TMED5: variants seen among roughly 807,000 people sequenced by gnomAD.
TMED5 encodes the protein transmembrane emp24 domain-containing protein 5.
A neutral mutation model predicts 23.0 loss-of-function variants in TMED5; 27 were observed. The observed-to-expected ratio is 1.17, with a 90% CI of 0.86 to 1.62. The LOEUF (loss-of-function observed/expected upper bound fraction) is 1.62. Ranked by LOEUF, TMED5 falls within the 40% of genes most tolerant of loss-of-function variation. The pLI, the probability that TMED5 is intolerant of heterozygous loss-of-function variation, is 0.00. For synonymous variants in TMED5, 97 were observed against 100.8 expected (o/e 0.96, Z 0.23); for missense variants, 248 against 273.7 (o/e 0.91, Z 0.66).
At chr1:93,165,140 G>A (rs985384348) in intron 1 of TMED5, among the ~76,000 whole-genome samples, 7 of 152,204 alleles carry the variant, frequency 4.6e-5, no homozygotes, top group Non-Finnish European at 4.4e-5. Flanking sequence ...AGCCTAAGAT[G>A]ACTGCAGCCC....
rs763388559 is a variant in TMED5 at position 93,180,151 on chromosome 1, G to A, written c.92C>T (p.Ser31Phe). 16 of 1,613,666 alleles carry A rather than the reference G, an allele frequency of 9.9e-6. No individual in the cohort carries two copies. Among genetic ancestry groups the A allele is most frequent in the South Asian group, 6.6e-5 (6 of 91,076 alleles). ...LLPGAAGFTP[S>F]LDSDFTFTLP... ...GGTAAAGGTGAAGTCGCTATCGAGG[G>A]AAGGTGTGAAGCCGGCCGCCCCAGG... The change falls in exon 1 of 4, where the codon TCC (serine) becomes TTC (phenylalanine). Residue 31 changes from serine to phenylalanine, a missense_variant. By Grantham distance (155) the Ser-to-Phe change is radical (BLOSUM62 -2). Transcript: ENST00000370282.
rs529442073 is a variant in TMED5, at chr1:93,174,268, C to CT, written c.189+5785dup. Among the ~76,000 whole-genome samples, 244 of 152,208 alleles carry CT rather than the reference C, an allele frequency of 1.6e-3. 1 individual carries two copies. The Middle Eastern group carries it at 0.017, about 11-fold the overall frequency. ...TACAGGTGTGAGCCACCGCACCCAG[C>CT]TTTTTTTGCTTTTACATCTTTGTAT... On this transcript the variant is annotated intron_variant, in intron 1 of 3. Transcript: ENST00000370282.
intron 1 of TMED5, among the ~76,000 whole-genome samples, chr1:93,169,880 T>C (rs1648644076): frequency 2.1e-5 from 1 of 48,528 alleles, no homozygotes; most frequent in South Asian, 1.4e-3. Context: ...AGACCCTGTC[T>C]GTACACACAC....
At chr1:93,173,417 C>CAAAGAGAGAAATTT (rs1648796727) in intron 1 of TMED5, among the ~76,000 whole-genome samples, 1 of 152,014 alleles carries the variant, frequency 6.6e-6, no homozygotes, top group South Asian at 2.1e-4. Context: ...GAGAGTGAGA[C>CAAAGAGAGAAATTT]AAAGAGAGAA....
intron 3 of TMED5, 39 bp from the exon 4 acceptor site, chr1:93,154,927 T>C: frequency 7.1e-7 from 1 of 1,408,574 alleles, no homozygotes. Context: ...TAAAGAATGC[T>C]CAGAAATTTT....
chr1:93,177,458 A>T (rs1485532511), intron 1 of TMED5, among the ~76,000 whole-genome samples: 1 of 151,812 alleles, frequency 6.6e-6, no homozygotes, highest in Non-Finnish European at 1.5e-5. Flanking sequence ...CATGCCTGTA[A>T]TCCAGCTACT....
At chr1:93,159,442 A>G (rs1402970621) in intron 2 of TMED5, among the ~76,000 whole-genome samples, 1 of 152,200 alleles carries the variant, frequency 6.6e-6, no homozygotes, top group African/African-American at 2.4e-5. Context: ...CACAGTTTAA[A>G]CATATAACAA....
chr1:93,157,655 T>G (rs1648121664), intron 2 of TMED5, among the ~76,000 whole-genome samples: 1 of 152,070 alleles, frequency 6.6e-6, no homozygotes, highest in Non-Finnish European at 1.5e-5. Flanking sequence ...TAAGCTATGG[T>G]CACACCATTG....
At chr1:93,179,007 C>G (rs1649088051) in intron 1 of TMED5, among the ~76,000 whole-genome samples, 1 of 152,092 alleles carries the variant, frequency 6.6e-6, no homozygotes, top group Admixed American at 6.5e-5. Flanking sequence ...AAGAAATTAC[C>G]CCCTACCACC....
In TMED5 at chr1:93,154,775, G is replaced by A; in HGVS notation, c.585C>T (p.Val195=). The A allele has an allele frequency of 2.5e-6, 4 of 1,613,900 alleles. No individual in the cohort carries two copies. Among genetic ancestry groups the A allele is most frequent in the Non-Finnish European group, 3.4e-6 (4 of 1,179,868 alleles). Residue 195 remains valine (V), a synonymous_variant, in exon 4 of 4, where the codon GTC becomes GTT. Coordinates refer to ENST00000370282, the MANE Select transcript of TMED5 (RefSeq NM_016040.5). ...RNIQESNFDR[V]NFWSMVNLVV... ...CTAAATTAACCATAGACCAGAAATT[G>A]ACTCTATCAAAGTTGCTTTCTTGTA...
intron 1 of TMED5, among the ~76,000 whole-genome samples, chr1:93,169,888 C>CACACAA (rs1467634146): frequency 4.7e-5 from 7 of 149,242 alleles, no homozygotes; most frequent in Non-Finnish European, 7.4e-5. Context: ...TCTGTACACA[C>CACACAA]ACACACACAC....
At position 93,155,893 on chromosome 1, in the gene TMED5, A is replaced by G. The variant is rs1013335871; in HGVS notation, c.471+407T>C. The G allele has an allele frequency of 1.1e-5, 5 of 467,114 alleles. No individual in the cohort carries two copies. In the Admixed American group the frequency reaches 1.6e-4, roughly 15 times the overall value. 28.9% of individuals were successfully genotyped at this position (467,114 alleles called of 1,614,324 possible). A position where few individuals can be genotyped will look rare whatever the true frequency, so the allele number is the denominator to read the frequency against. ...TGTTTATCTGAACAATTTAGTATTC[A>G]GTAAAACACCCAATGTTTTAATACC... On this transcript the variant is annotated intron_variant, in intron 3 of 3. Transcript: ENST00000370282.
chr1:93,153,434 T>TAA lies in TMED5; in HGVS notation c.*1235_*1236insTT, dbSNP rs1647947319. On this transcript the variant is annotated 3_prime_UTR_variant, in exon 4 of 4. Transcript: ENST00000370282. ...CAGTGCTAAACCTTACAGTAGGGCT[T>TAA]ACATTTTATAAAATGTACCTGCTTA... The TAA allele has an allele frequency of 6.6e-6, 1 of 152,286 alleles. No individual in the cohort carries two copies. The highest frequency in any genetic ancestry group is 1.5e-5 in the Non-Finnish European group (1 of 67,978). The allele number at this position is 152,286 out of a possible 1,614,324, so 9.4% of individuals were successfully genotyped here. A position where few individuals can be genotyped will look rare whatever the true frequency, so the allele number is the denominator to read the frequency against.
At chr1:93,172,002 A>C (rs1260288960) in intron 1 of TMED5, among the ~76,000 whole-genome samples, 1 of 152,242 alleles carries the variant, frequency 6.6e-6, no homozygotes, top group African/African-American at 2.4e-5. Flanking sequence ...GATAAAATCC[A>C]ATATCAATCC....
At chr1:93,160,051 T>G in intron 2 of TMED5, 78 bp downstream of exon 2, 2 of 785,070 alleles carry the variant, frequency 2.5e-6, no homozygotes, top group Non-Finnish European at 4.4e-6. Context: ...TAGTATCAAA[T>G]GTGCTAACTT....
At chr1:93,175,271 T>C (rs1236233681) in intron 1 of TMED5, among the ~76,000 whole-genome samples, 1 of 142,156 alleles carries the variant, frequency 7.0e-6, no homozygotes, top group African/African-American at 2.6e-5. Context: ...TTCTAATCCA[T>C]TGTCTTGTTC....
Position 93,153,846 on chromosome 1 carries a change from A to G in TMED5, c.*824T>C, listed in dbSNP as rs1647966026. The G allele has an allele frequency of 6.6e-6, 1 of 152,298 alleles. No homozygotes were observed. The highest frequency in any genetic ancestry group is 1.9e-4 in the East Asian group (1 of 5,188). The allele number at this position is 152,298 out of a possible 1,614,324, so 9.4% of individuals were successfully genotyped here. A position where few individuals can be genotyped will look rare whatever the true frequency, so the allele number is the denominator to read the frequency against. The stretch of plus-strand genomic sequence containing the variant: ...GTTGACAGATATTAACTTGACAGAT[A>G]CTATTAAAAATAAACTTATTTTACC... On this transcript the variant is annotated 3_prime_UTR_variant, in exon 4 of 4. Coordinates refer to ENST00000370282, the MANE Select transcript of TMED5 (RefSeq NM_016040.5).
At chr1:93,175,851 T>C (rs1446392635) in intron 1 of TMED5, among the ~76,000 whole-genome samples, 1 of 152,216 alleles carries the variant, frequency 6.6e-6, no homozygotes. Context: ...GTATTGTTGT[T>C]CTAGGCTCAG....
chr1:93,180,387 C>G lies in TMED5; in HGVS notation c.-145G>C. The G allele has an allele frequency of 2.4e-6, 3 of 1,248,900 alleles. No homozygotes were observed. Among genetic ancestry groups the G allele is most frequent in the Non-Finnish European group, 3.3e-6 (3 of 908,702 alleles). 77.4% of individuals were successfully genotyped at this position (1,248,900 alleles called of 1,614,324 possible). A position where few individuals can be genotyped will look rare whatever the true frequency, so the allele number is the denominator to read the frequency against. On this transcript the variant is annotated 5_prime_UTR_variant, in exon 1 of 4. Transcript: ENST00000370282. ...GGCGGCCGCGGCGGCGGCGAACACT[C>G]CCTCCGAAAGAGAAGCGCAGTTCTC...
Sources: gnomAD v4.1 joint callset for allele counts (sites outside exome capture counted in the v4.1 genomes callset) on GRCh38, gnomAD v4.1.1 for gene constraint, MANE v1.5 for transcripts, NCBI Gene and HGNC (gene_info 2026-07-23, HGNC 2026-07-21) for gene names.